Variants in ABCA6 observed in about 807,000 individuals in gnomAD.
ABCA6 encodes ATP-binding cassette sub-family A member 6.
Under a neutral mutation model 191.2 loss-of-function variants are expected in ABCA6, and 164 were observed. That is an observed-to-expected ratio of 0.86 (90% CI 0.76 to 0.98). ABCA6 has a LOEUF of 0.98. Among genes scored for constraint, ABCA6 ranks in the 50% least tolerant of loss-of-function variants. The pLI, the probability that ABCA6 is intolerant of heterozygous loss-of-function variation, is 0.00. For synonymous variants in ABCA6, 636 were observed against 647.7 expected, an observed-to-expected ratio of 0.98 and a Z score of 0.27; for missense variants, 1,958 against 1,894.1, an observed-to-expected ratio of 1.03 and a Z score of -0.63.
At chr17:69,123,534 C>T (rs1383558153) in intron 9 of ABCA6, 127 bp from the exon 10 acceptor site, 1 of 551,750 alleles carries the variant, frequency 1.8e-6, no homozygotes, top group Non-Finnish European at 2.8e-6. Context: ...TCTTCTAAAA[C>T]TCAATTTATT....
At chr17:69,138,717 A>G (rs1425163817) in intron 2 of ABCA6, among the ~76,000 whole-genome samples, 1 of 151,248 alleles carries the variant, frequency 6.6e-6, no homozygotes, top group African/African-American at 2.4e-5. Context: ...CACAGTAACC[A>G]AAACAGCATG....
chr17:69,101,026 G>C lies in ABCA6; in HGVS notation c.2875-92C>G, dbSNP rs956188086. On this transcript the variant is annotated intron_variant, in intron 21 of 38. Transcript: ENST00000284425. ...ATAAAAGATCCTAACAGTGCCACAT[G>C]CTTGTTGTGTGTCCATCTTCAAGTG... The C allele has an allele frequency of 1.5e-5, 16 of 1,078,322 alleles. No homozygotes were observed. The Admixed American group carries it at 3.9e-4, about 26-fold the overall frequency. The allele number at this position is 1,078,322 out of a possible 1,614,324, so 66.8% of individuals were successfully genotyped here.
rs2072925409 is a variant in ABCA6, at chr17:69,091,585, G to C, written c.3409-323C>G. Among the ~76,000 whole-genome samples the C allele has an allele frequency of 1.0e-4, 2 of 19,088 alleles. 1 individual carries two copies. Among genetic ancestry groups the C allele is most frequent in the Non-Finnish European group, 2.5e-4 (2 of 7,900 alleles). 12.5% of individuals were successfully genotyped at this position (19,088 alleles called of 152,430 possible). A position where few individuals can be genotyped will look rare whatever the true frequency, so the allele number is the denominator to read the frequency against. ...TCGCCCAGGCTGGAGTGCAGTGGCG[G>C]GATCTCGGCTCACTGCAAGCTCCGC... On this transcript the variant is annotated intron_variant, in intron 25 of 38. Coordinates refer to ENST00000284425, the MANE Select transcript of ABCA6 (RefSeq NM_080284.3).
rs368763100 is a variant in ABCA6 at position 69,116,254 on chromosome 17, G to A, written c.1496-768C>T. 1.3e-4 allele frequency among the ~76,000 whole-genome samples: 20 copies of A among 152,178 alleles called. No homozygotes were observed. In the South Asian group the frequency reaches 2.3e-3, roughly 17 times the overall value. ...AAAATTAAATAGAAGCCTCAGTTTC[G>A]TCATCTGCAAAGTGAGAGATATATT... On this transcript the variant is annotated intron_variant, in intron 11 of 38. Coordinates refer to ENST00000284425, the MANE Select transcript of ABCA6 (RefSeq NM_080284.3).
intron 22 of ABCA6, 131 bp from the exon 23 acceptor site, chr17:69,098,158 C>A: frequency 3.7e-6 from 2 of 537,410 alleles, no homozygotes; most frequent in Non-Finnish European, 6.0e-6. Context: ...CATCTAGGCA[C>A]GAAGGTGGGA....
In ABCA6 at chr17:69,114,744, C is replaced by T. The variant is rs2073503726; in HGVS notation, c.1782+18G>A. 1 of 1,587,620 alleles carries T rather than the reference C, an allele frequency of 6.3e-7. No homozygotes were observed. Among genetic ancestry groups the T allele is most frequent in the East Asian group, 2.3e-5 (1 of 43,954 alleles). On this transcript the variant is annotated intron_variant, in intron 13 of 38. Coordinates refer to ENST00000284425, the MANE Select transcript of ABCA6 (RefSeq NM_080284.3). ...GTAAGTGGTTGGCAGGTCAGTTAAT[C>T]CAAGCATGCCCTCCTACCTCTTGTT...
chr17:69,115,713 AATGGAACAGAACAGAAGTCTAAT>A (rs1335112322), intron 11 of ABCA6: 1 of 331,554 alleles, frequency 3.0e-6, no homozygotes, highest in Non-Finnish European at 5.4e-6. Flanking sequence ...TATAGTGACC[AATGGAACAGAACAGAAGTCTAAT>A]ATGGACCAAA....
chr17:69,085,524 AAAAAAAAAAAAG>A (rs1160125421), intron 31 of ABCA6, 89 bp downstream of exon 31: 11 of 733,608 alleles, frequency 1.5e-5, no homozygotes. Flanking sequence ...AAAGGCAAAA[AAAAAAAAAAAAG>A]AAAAGAAAAA....
At chr17:69,114,562 T>TA (rs1346594484) in intron 13 of ABCA6, among the ~76,000 whole-genome samples, 200 bp downstream of exon 13, 10 of 152,108 alleles carry the variant, frequency 6.6e-5, no homozygotes, top group Non-Finnish European at 1.3e-4. Flanking sequence ...TAAAGTATAA[T>TA]AAAAAATAAA....
At chr17:69,095,935 G>A (rs957506873) in intron 25 of ABCA6, among the ~76,000 whole-genome samples, 1 of 152,232 alleles carries the variant, frequency 6.6e-6, no homozygotes, top group Admixed American at 6.5e-5. Context: ...AATGTCAACT[G>A]TTAGGAAGCC....
At chr17:69,132,706 C>G (rs2073885612) in intron 6 of ABCA6, among the ~76,000 whole-genome samples, 2 of 152,272 alleles carry the variant, frequency 1.3e-5, no homozygotes, top group South Asian at 4.1e-4. Flanking sequence ...TCTCGAACTC[C>G]CGACCTCAGG....
At chr17:69,140,097 T>A (rs113479712) in intron 2 of ABCA6, among the ~76,000 whole-genome samples, 63 of 151,918 alleles carry the variant, frequency 4.1e-4, no homozygotes, top group Middle Eastern at 3.4e-3. Flanking sequence ...TAAAGTATAA[T>A]AATAATAAAA....
chr17:69,110,855 T>C lies in ABCA6; in HGVS notation c.2218A>G (p.Asn740Asp), dbSNP rs1277010208. The C allele has an allele frequency of 6.2e-7, 1 of 1,612,166 alleles. No individual in the cohort carries two copies. The highest frequency in any genetic ancestry group is 2.2e-5 in the East Asian group (1 of 44,722). ...AAAGTATATACAAGCTTTTCTTTGT[T>C]TTCTGTTTTTAATTTAGCATCGGGG... ...HIPDAKLKTE[N>D]KEKLVYTLPL... is the part of the protein sequence containing the mutation. The change falls in exon 17 of 39, where the codon AAC (asparagine) becomes GAC (aspartate). Residue 740 changes from asparagine to aspartate, a missense_variant. By Grantham distance (23) the Asn-to-Asp change is conservative. Transcript: ENST00000284425.
chr17:69,119,372 A>T (rs1271635021), intron 10 of ABCA6, among the ~76,000 whole-genome samples: 1 of 152,022 alleles, frequency 6.6e-6, no homozygotes, highest in Non-Finnish European at 1.5e-5. Flanking sequence ...TGTAAAATTT[A>T]ACTCTAAAAT....
At chr17:69,099,114 G>C (rs2073118699) in intron 22 of ABCA6, among the ~76,000 whole-genome samples, 1 of 151,768 alleles carries the variant, frequency 6.6e-6, no homozygotes, top group African/African-American at 2.4e-5. Context: ...ACTTGTTGCT[G>C]CTTGTCTTAA....
Position 69,114,956 on chromosome 17 carries a change from A to G in ABCA6, c.1607-19T>C. 6.4e-7 allele frequency: 1 copy of G among 1,564,074 alleles called. No homozygotes were observed. Among genetic ancestry groups the G allele is most frequent in the African/African-American group, 1.4e-5 (1 of 72,972 alleles). On this transcript the variant is annotated intron_variant, in intron 12 of 38. Coordinates refer to ENST00000284425, the MANE Select transcript of ABCA6 (RefSeq NM_080284.3). ...ACTGATCCTAAGAATAGAAGTTAAA[A>G]ATAAAATTGGCAAGATAATACATTC...
chr17:69,110,392 G>A (rs1274536397), intron 17 of ABCA6: 1 of 174,976 alleles, frequency 5.7e-6, no homozygotes, highest in Admixed American at 5.9e-5. Flanking sequence ...AGAAGGATGA[G>A]AAAGTTAATG....
intron 36 of ABCA6, 32 bp downstream of exon 36, chr17:69,082,841 C>T: frequency 6.2e-7 from 1 of 1,613,450 alleles, no homozygotes; most frequent in Non-Finnish European, 8.5e-7. Flanking sequence ...ATAAACCCTC[C>T]ATATTTCTCC....
intron 8 of ABCA6, among the ~76,000 whole-genome samples, chr17:69,127,134 C>T (rs1219239232): frequency 6.6e-6 from 1 of 152,140 alleles, no homozygotes; most frequent in African/African-American, 2.4e-5. Flanking sequence ...TATACACACA[C>T]AAAAGTTACA....
Sources: allele counts gnomAD v4.1 joint callset (sites outside exome capture counted in the v4.1 genomes callset), GRCh38; gene constraint gnomAD v4.1.1; transcripts MANE v1.5; gene names NCBI Gene and HGNC (gene_info 2026-07-23, HGNC 2026-07-21).